Variants in PTPN11 observed in about 807,000 individuals in gnomAD.
The protein encoded by PTPN11 is tyrosine-protein phosphatase non-receptor type 11.
In PTPN11, 6 loss-of-function variants were observed where a neutral mutation model predicts 78.8. The ratio of observed to expected loss-of-function variants is 0.08; its 90% CI spans 0.04 to 0.15. The LOEUF (loss-of-function observed/expected upper bound fraction) is 0.15. Among genes scored for constraint, PTPN11 ranks in the 10% least tolerant of loss-of-function variants. PTPN11 has a pLI of 1.00. For synonymous variants in PTPN11, 221 were observed against 263.5 expected, an observed-to-expected ratio of 0.84 and a Z score of 1.56; for missense variants, 386 against 744.8, an observed-to-expected ratio of 0.52 and a Z score of 5.61.
rs1239154652 is a variant in PTPN11 at position 112,467,686 on chromosome 12, G to C, written c.757-5258G>C. Among the ~76,000 whole-genome samples the C allele has an allele frequency of 2.0e-5, 3 of 152,074 alleles. No individual in the cohort carries two copies. The East Asian group carries it at 5.8e-4, about 29-fold the overall frequency. On this transcript the variant is annotated intron_variant, in intron 6 of 15. Transcript: ENST00000351677. ...ATTTTTGTATTTTTAGCAGAGACAG[G>C]GTTTCACCATGTTGGCCAGGCTGGT...
intron 3 of PTPN11, among the ~76,000 whole-genome samples, chr12:112,452,428 G>A (rs2038091878): frequency 6.6e-6 from 1 of 152,114 alleles, no homozygotes; most frequent in South Asian, 2.1e-4. Flanking sequence ...GTTTCACCAT[G>A]TTGGTCAGGC....
chr12:112,465,386 G>A (rs532803514), intron 6 of PTPN11, among the ~76,000 whole-genome samples: 1 of 149,974 alleles, frequency 6.7e-6, no homozygotes, highest in Admixed American at 6.7e-5. Context: ...AGTGAGCTGA[G>A]ATTGTGCCAC....
At chr12:112,429,659 C>G (rs1417639808) in intron 1 of PTPN11, among the ~76,000 whole-genome samples, 3 of 151,472 alleles carry the variant, frequency 2.0e-5, no homozygotes, top group African/African-American at 7.3e-5. Flanking sequence ...GAAAAATTAA[C>G]TGGGTGTGGT....
At chr12:112,473,710 G>A (rs544080727) in intron 7 of PTPN11, among the ~76,000 whole-genome samples, 3 of 151,878 alleles carry the variant, frequency 2.0e-5, no homozygotes, top group African/African-American at 7.2e-5. Flanking sequence ...AGCCATATGT[G>A]GTGGTGTGCG....
intron 1 of PTPN11, among the ~76,000 whole-genome samples, chr12:112,433,041 A>G (rs1366659589): frequency 6.6e-6 from 1 of 151,976 alleles, no homozygotes; most frequent in Non-Finnish European, 1.5e-5. Flanking sequence ...TTATATATTT[A>G]GTAGAGATGG....
intron 10 of PTPN11, among the ~76,000 whole-genome samples, chr12:112,483,096 A>G (rs1221327817): frequency 6.6e-6 from 1 of 152,164 alleles, no homozygotes; most frequent in Middle Eastern, 3.2e-3. Flanking sequence ...CCAGCCCAGT[A>G]ATTGCACATA....
In PTPN11 at chr12:112,482,631, C is replaced by G. The variant is rs575998158; in HGVS notation, c.1224+426C>G. On this transcript the variant is annotated intron_variant, in intron 10 of 15. Coordinates refer to ENST00000351677, the MANE Select transcript of PTPN11 (RefSeq NM_002834.5). The surrounding 1 kb of genome is among the most constrained non-coding windows in gnomAD (Gnocchi z 4.4). The stretch of plus-strand genomic sequence containing the variant: ...GGGGCCTATGTTGATGGCCTCCTCT[C>G]CAAGTATCCACAGACTTCAGCAGTT... Among the ~76,000 whole-genome samples, 1 of 152,240 alleles carries G rather than the reference C, an allele frequency of 6.6e-6. No individual in the cohort carries two copies. The highest frequency in any genetic ancestry group is 2.4e-5 in the African/African-American group (1 of 41,528).
chr12:112,493,062 CTT>C (rs201075832), intron 13 of PTPN11, among the ~76,000 whole-genome samples: 12 of 143,178 alleles, frequency 8.4e-5, no homozygotes, highest in Admixed American at 2.1e-4. Flanking sequence ...ATCTCAGTTA[CTT>C]TTTTTTTTTT....
chr12:112,473,003 A>G lies in PTPN11; in HGVS notation c.816A>G (p.Glu272=). Residue 272 remains glutamate (E), a synonymous_variant, in exon 7 of 16, where the codon GAA becomes GAG. Transcript: ENST00000351677. ...GCCGAAAAGAGGGTCAAAGGCAAGA[A>G]AACAAAAACAAAAATAGATATAAAA... ...LYSRKEGQRQ[E]NKNKNRYKNI... 1 of 1,610,980 alleles carries G rather than the reference A, an allele frequency of 6.2e-7. No individual in the cohort carries two copies. Among genetic ancestry groups the G allele is most frequent in the African/African-American group, 1.3e-5 (1 of 74,996 alleles).
chr12:112,461,004 C>T (rs542493890), intron 6 of PTPN11, among the ~76,000 whole-genome samples: 1 of 152,146 alleles, frequency 6.6e-6, no homozygotes, highest in African/African-American at 2.4e-5. Flanking sequence ...TTGCTGAGTG[C>T]CTCTCTGTGG....
chr12:112,445,733 C>T (rs1393374111), intron 1 of PTPN11, among the ~76,000 whole-genome samples: 3 of 151,506 alleles, frequency 2.0e-5, no homozygotes, highest in Non-Finnish European at 4.4e-5. Flanking sequence ...CCTCTGCCTC[C>T]TGGGTTCAAG....
chr12:112,473,438 T>C (rs753200606), intron 7 of PTPN11, among the ~76,000 whole-genome samples: 1 of 152,108 alleles, frequency 6.6e-6, no homozygotes, highest in Admixed American at 6.6e-5. Flanking sequence ...TGGGACTCAG[T>C]TCCCTTAAGT....
intron 1 of PTPN11, among the ~76,000 whole-genome samples, chr12:112,443,071 A>G (rs901981043): frequency 1.3e-5 from 2 of 150,904 alleles, no homozygotes; most frequent in Non-Finnish European, 3.0e-5. Context: ...TTCAGTGTGT[A>G]TTTCTTAAAT....
chr12:112,456,459 T>C (rs994880717), intron 6 of PTPN11, among the ~76,000 whole-genome samples: 7 of 86,260 alleles, frequency 8.1e-5, no homozygotes, highest in African/African-American at 2.3e-4. Flanking sequence ...TTGTGGTGGC[T>C]TTTTTTTTTT....
rs923248499 is a variant in PTPN11, at chr12:112,506,520, A to G, written c.*728A>G. 6.6e-6 allele frequency: 1 copy of G among 151,910 alleles called. No individual in the cohort carries two copies. Among genetic ancestry groups the G allele is most frequent in the Admixed American group, 6.6e-5 (1 of 15,232 alleles). The allele number at this position is 151,910 out of a possible 1,614,324, so 9.4% of individuals were successfully genotyped here. A position where few individuals can be genotyped will look rare whatever the true frequency, so the allele number is the denominator to read the frequency against. On this transcript the variant is annotated 3_prime_UTR_variant, in exon 16 of 16. Transcript: ENST00000351677. ...AGTTTGTGGTGGGAAAACGTTTGCC[A>G]TATTTTCTTTGCATTTGAATAATTG...
rs1028787542 is a variant in PTPN11 at position 112,477,903 on chromosome 12, A to G, written c.980A>G (p.Tyr327Cys). Residue 327 changes from tyrosine (Y) to cysteine (C), a missense_variant, in exon 9 of 16, where the codon TAC (tyrosine) becomes TGC (cysteine). Tyr to Cys is a radical substitution (Grantham distance 194, BLOSUM62 -2). Coordinates refer to ENST00000351677, the MANE Select transcript of PTPN11 (RefSeq NM_002834.5). ...KCNNSKPKKS[Y>C]IATQGCLQNT... is the part of the protein sequence containing the mutation. Reference sequence around the variant, plus strand: ...AACAATTCAAAGCCCAAAAAGAGTTACATTGCCACACAAGGCTGCCTGCAA... The same window carrying G: ...AACAATTCAAAGCCCAAAAAGAGTTGCATTGCCACACAAGGCTGCCTGCAA... The G allele has an allele frequency of 1.2e-6, 2 of 1,614,108 alleles. No individual in the cohort carries two copies. Among genetic ancestry groups the G allele is most frequent in the Non-Finnish European group, 1.7e-6 (2 of 1,180,026 alleles).
At chr12:112,492,403 CAA>C (rs1161960086) in intron 13 of PTPN11, among the ~76,000 whole-genome samples, 1 of 151,852 alleles carries the variant, frequency 6.6e-6, no homozygotes, top group East Asian at 1.9e-4. Context: ...TTTTTAGGAA[CAA>C]AGTATTTTTC....
chr12:112,446,225 G>T, intron 1 of PTPN11, 51 bp from the exon 2 acceptor site: 2 of 1,609,032 alleles, frequency 1.2e-6, no homozygotes, highest in East Asian at 4.5e-5. Context: ...GTGGAAAGTA[G>T]TGCTGACAGT....
intron 1 of PTPN11, among the ~76,000 whole-genome samples, chr12:112,428,370 G>C (rs1566155418): frequency 6.9e-6 from 1 of 144,794 alleles, no homozygotes; most frequent in Non-Finnish European, 1.5e-5. Context: ...CTAGGTGTGA[G>C]ATGGGGAGTT....
Sources: gnomAD v4.1 joint callset for allele counts (sites outside exome capture counted in the v4.1 genomes callset) on GRCh38, gnomAD v4.1.1 for gene constraint, Gnocchi (gnomAD v3.1) non-coding constraint, MANE v1.5 for transcripts, NCBI Gene and HGNC (gene_info 2026-07-23, HGNC 2026-07-21) for gene names.